Variants in FGFR2 observed in about 807,000 individuals in gnomAD.
FGFR2 encodes BEK fibroblast growth factor receptor.
In FGFR2, 19 loss-of-function variants were observed where a neutral mutation model predicts 95.9. The ratio of observed to expected loss-of-function variants is 0.20; its 90% CI spans 0.14 to 0.29. FGFR2 has a LOEUF of 0.29. Ranked by LOEUF, FGFR2 falls within the 10% of genes least tolerant of loss-of-function variation. FGFR2 has a pLI of 1.00. For synonymous variants in FGFR2, 392 were observed against 393.3 expected, an observed-to-expected ratio of 1.00 and a Z score of 0.04; for missense variants, 707 against 1,056.9, an observed-to-expected ratio of 0.67 and a Z score of 4.59.
chr10:121,563,812 G>A (rs572784183), intron 4 of FGFR2, among the ~76,000 whole-genome samples: 1 of 152,320 alleles, frequency 6.6e-6, no homozygotes, highest in East Asian at 1.9e-4. Context: ...CAAGTAAATG[G>A]CCTCTCCCAT....
chr10:121,568,592 G>A (rs1238440468), intron 2 of FGFR2, among the ~76,000 whole-genome samples: 2 of 151,094 alleles, frequency 1.3e-5, no homozygotes, highest in African/African-American at 2.4e-5. Flanking sequence ...CCTATGTCAC[G>A]CAGAGGAATG....
chr10:121,503,167 T>C (rs1294729839), intron 10 of FGFR2, among the ~76,000 whole-genome samples: 3 of 152,150 alleles, frequency 2.0e-5, no homozygotes. Flanking sequence ...CTCCAGTACG[T>C]GGAGTTCAAG....
chr10:121,567,116 A>C (rs1046292545), intron 2 of FGFR2, among the ~76,000 whole-genome samples: 7 of 152,130 alleles, frequency 4.6e-5, no homozygotes, highest in African/African-American at 1.7e-4. Context: ...TGTTTTGCCT[A>C]GACACCCCTC....
chr10:121,521,135 G>T (rs1290758389), intron 6 of FGFR2, among the ~76,000 whole-genome samples: 1 of 152,136 alleles, frequency 6.6e-6, no homozygotes, highest in Admixed American at 6.5e-5. Flanking sequence ...GTTACTCTAT[G>T]CCAGTTACTA....
Position 121,518,734 on chromosome 10 carries a change from A to G in FGFR2, c.939+1245T>C, listed in dbSNP as rs187206427. ...AGGCAGACTGGTTGGCCTGCCCTAT[A>G]TAATTGGAGACCTTACATATATATT... On this transcript the variant is annotated intron_variant, in intron 7 of 17. Coordinates refer to ENST00000358487, the MANE Select transcript of FGFR2 (RefSeq NM_000141.5). The surrounding 1 kb of genome is among the most constrained non-coding windows in gnomAD (Gnocchi z 4.0). 765 of 1,614,188 alleles carry G rather than the reference A, an allele frequency of 4.7e-4. No individual in the cohort carries two copies. The highest frequency in any genetic ancestry group is 6.2e-4 in the Non-Finnish European group (737 of 1,180,032).
intron 17 of FGFR2, 112 bp from the exon 18 acceptor site, chr10:121,480,133 G>T (rs1264735692): frequency 5.2e-6 from 6 of 1,149,898 alleles, no homozygotes; most frequent in Non-Finnish European, 7.9e-6. Flanking sequence ...GGGAAGAGAA[G>T]AGTTTTATTT....
intron 5 of FGFR2, among the ~76,000 whole-genome samples, 189 bp from the exon 6 acceptor site, chr10:121,538,904 C>T (rs1853267570): frequency 6.6e-6 from 1 of 152,200 alleles, no homozygotes; most frequent in African/African-American, 2.4e-5. Flanking sequence ...ATGGTGAACA[C>T]CTGTGAAGCA....
At chr10:121,578,998 C>G (rs1381792851) in intron 2 of FGFR2, among the ~76,000 whole-genome samples, 2 of 152,182 alleles carry the variant, frequency 1.3e-5, no homozygotes, top group African/African-American at 4.8e-5. Context: ...AGGCCTGATG[C>G]TGCTGGTCCA....
Position 121,504,572 on chromosome 10 carries a change from T to C in FGFR2, c.1288-631A>G, listed in dbSNP as rs41295579. ...TCTCCCCAGTCCTTCTGGAAACTTA[T>C]TGATGGCCAGGCTATTCAGTGGAAA... On this transcript the variant is annotated intron_variant, in intron 9 of 17. Transcript: ENST00000358487. 6.4e-3 allele frequency among the ~76,000 whole-genome samples: 978 copies of C among 152,304 alleles called. 16 individuals carry two copies. Among genetic ancestry groups the C allele is most frequent in the African/African-American group, 0.022 (924 of 41,566 alleles).
chr10:121,543,247 C>T (rs1390419360), intron 5 of FGFR2, among the ~76,000 whole-genome samples: 4 of 152,272 alleles, frequency 2.6e-5, no homozygotes, highest in Admixed American at 1.3e-4. Context: ...CAGTGGCTCA[C>T]GCCTGTAATC....
intron 6 of FGFR2, among the ~76,000 whole-genome samples, chr10:121,529,801 T>C (rs891648824): frequency 6.6e-6 from 1 of 152,214 alleles, no homozygotes; most frequent in Non-Finnish European, 1.5e-5. Context: ...GGCAAAGCCT[T>C]ATACCTCATT....
In FGFR2 at chr10:121,598,203, C is replaced by A; in HGVS notation, c.-392G>T. The A allele has an allele frequency of 2.5e-6, 1 of 397,834 alleles. No individual in the cohort carries two copies. Among genetic ancestry groups the A allele is most frequent in the Non-Finnish European group, 4.4e-6 (1 of 225,606 alleles). The allele number at this position is 397,834 out of a possible 1,614,324, so 24.6% of individuals were successfully genotyped here. ...GAACGAGAGGAAGAAAGGACTCAGG[C>A]TTGGCGTTGCCTCCACCAAACTTTG... is the stretch of plus-strand genomic sequence containing the variant. On this transcript the variant is annotated 5_prime_UTR_variant, in exon 1 of 18. Coordinates refer to ENST00000358487, the MANE Select transcript of FGFR2 (RefSeq NM_000141.5).
chr10:121,554,540 ACAGGGTTTCACCGTTTTAGC>A (rs373344099), intron 4 of FGFR2, among the ~76,000 whole-genome samples: 12,581 of 143,674 alleles, frequency 0.088, 1,450 homozygotes, highest in African/African-American at 0.27. Flanking sequence ...TTTAGTAGAG[ACAGGGTTTCACCGTTTTAGC>A]CAGGGTTTCA....
At chr10:121,569,500 G>A (rs1174091775) in intron 2 of FGFR2, among the ~76,000 whole-genome samples, 4 of 152,152 alleles carry the variant, frequency 2.6e-5, no homozygotes, top group East Asian at 1.9e-4. Context: ...GATTATAGGC[G>A]TGAGCCACTG....
intron 6 of FGFR2, among the ~76,000 whole-genome samples, chr10:121,527,273 G>A (rs1851504188): frequency 6.6e-6 from 1 of 152,120 alleles, no homozygotes; most frequent in South Asian, 2.1e-4. Flanking sequence ...GTATCAATTT[G>A]GGTCTTCTTG....
At position 121,517,223 on chromosome 10, in the gene FGFR2, T is replaced by TA. The variant is rs763449592; in HGVS notation, c.1084+95dup. On this transcript the variant is annotated intron_variant, in intron 8 of 17. Coordinates refer to ENST00000358487, the MANE Select transcript of FGFR2 (RefSeq NM_000141.5). The surrounding 1 kb of genome is among the most constrained non-coding windows in gnomAD (Gnocchi z 4.7). Reference sequence around the variant, plus strand: ...CATTTTTTATATCTTTATGCAAGGATAAAAGGGGCCATTTCTGATAACAGA... The same window carrying TA: ...CATTTTTTATATCTTTATGCAAGGATAAAAAGGGGCCATTTCTGATAACAGA... 7.4e-7 allele frequency: 1 copy of TA among 1,353,460 alleles called. No homozygotes were observed. The highest frequency in any genetic ancestry group is 1.2e-5 in the South Asian group (1 of 84,962). The allele number at this position is 1,353,460 out of a possible 1,614,324, so 83.8% of individuals were successfully genotyped here. A position where few individuals can be genotyped will look rare whatever the true frequency, so the allele number is the denominator to read the frequency against.
At position 121,518,625 on chromosome 10, in the gene FGFR2, T is replaced by C. The variant is rs1048899800; in HGVS notation, c.940-1162A>G. 1.1e-5 allele frequency: 18 copies of C among 1,608,714 alleles called. No homozygotes were observed. In the African/African-American group the frequency reaches 2.0e-4, roughly 18 times the overall value. ...CAGTCTCCCAAAGCACCAAGTCTTT[T>C]CAGCTTCTATATCCAGCTTTCTTTT... On this transcript the variant is annotated intron_variant, in intron 7 of 17. Coordinates refer to ENST00000358487, the MANE Select transcript of FGFR2 (RefSeq NM_000141.5). This position sits in a 1 kb window ranked among gnomAD's most constrained non-coding sequence, Gnocchi z 4.0.
intron 4 of FGFR2, among the ~76,000 whole-genome samples, chr10:121,555,480 A>G (rs1856012931): frequency 6.6e-6 from 1 of 152,230 alleles, no homozygotes; most frequent in African/African-American, 2.4e-5. Flanking sequence ...GCGGGCTTAA[A>G]GTCAGCTAAT....
chr10:121,525,803 C>T (rs542268715), intron 6 of FGFR2, among the ~76,000 whole-genome samples: 1 of 152,262 alleles, frequency 6.6e-6, no homozygotes, highest in South Asian at 2.1e-4. Context: ...AAATGTCCAC[C>T]GAGCCGAGAG....
Sources: allele counts gnomAD v4.1 joint callset (sites outside exome capture counted in the v4.1 genomes callset), GRCh38; gene constraint gnomAD v4.1.1; non-coding constraint Gnocchi (gnomAD v3.1); transcripts MANE v1.5; gene names NCBI Gene and HGNC (gene_info 2026-07-23, HGNC 2026-07-21).